Variants in ARHGAP22 observed in about 807,000 individuals in gnomAD.
ARHGAP22 encodes the protein rho GTPase-activating protein 22.
Under a neutral mutation model 59.1 loss-of-function variants are expected in ARHGAP22, and 48 were observed. That is an observed-to-expected ratio of 0.81 (90% confidence interval 0.64 to 1.03). ARHGAP22 has a LOEUF of 1.03. Ranked by LOEUF, ARHGAP22 falls within the 50% of genes least tolerant of loss-of-function variation. ARHGAP22 has a pLI of 0.00. For missense variants in ARHGAP22, 1,015 were observed against 958.7 expected (o/e 1.06, Z -0.78); for synonymous variants, 445 against 416.4 (o/e 1.07, Z -0.84).
At chr10:48,512,545 A>G (rs996857242) in intron 3 of ARHGAP22, among the ~76,000 whole-genome samples, 12 of 152,252 alleles carry the variant, frequency 7.9e-5, no homozygotes, top group African/African-American at 1.4e-4. Context: ...TTTTAACCTA[A>G]GCCTCAAGCC....
chr10:48,543,663 G>A (rs567433699), intron 3 of ARHGAP22, among the ~76,000 whole-genome samples: 35 of 152,320 alleles, frequency 2.3e-4, no homozygotes, highest in Non-Finnish European at 4.7e-4. Context: ...TGGAGCCAGG[G>A]AAGGGCCAGC....
At chr10:48,641,179 C>CA (rs1389387708) in intron 1 of ARHGAP22, among the ~76,000 whole-genome samples, 2 of 151,826 alleles carry the variant, frequency 1.3e-5, no homozygotes, top group African/African-American at 4.8e-5. Context: ...AAAAGAAAAA[C>CA]AGGAACAAAA....
chr10:48,457,579 C>T (rs1218773936), intron 5 of ARHGAP22, among the ~76,000 whole-genome samples: 8 of 152,148 alleles, frequency 5.3e-5, no homozygotes, highest in South Asian at 2.1e-4. Context: ...CCCTAGGCTC[C>T]GGCCCACAGG....
At position 48,604,995 on chromosome 10, in the gene ARHGAP22, G is replaced by A; in HGVS notation, c.-199C>T. 1 of 1,452,720 alleles carries A rather than the reference G, an allele frequency of 6.9e-7. No individual in the cohort carries two copies. Among genetic ancestry groups the A allele is most frequent in the Non-Finnish European group, 9.0e-7 (1 of 1,107,378 alleles). The allele number at this position is 1,452,720 out of a possible 1,614,324, so 90.0% of individuals were successfully genotyped here. On this transcript the variant is annotated 5_prime_UTR_variant, in exon 1 of 10. Transcript: ENST00000249601. Reference sequence around the variant, plus strand: ...CGCCTTGGACTACATAAACCTCGATGCATTATTTATCCATCCCAGAATTAA... The same window carrying A: ...CGCCTTGGACTACATAAACCTCGATACATTATTTATCCATCCCAGAATTAA...
chr10:48,555,940 T>C (rs2057279506), intron 2 of ARHGAP22, among the ~76,000 whole-genome samples: 1 of 152,150 alleles, frequency 6.6e-6, no homozygotes, highest in Admixed American at 6.5e-5. Context: ...TGAGGCAACA[T>C]GGGGGAAAGG....
At chr10:48,548,110 G>A (rs2056602915) in intron 3 of ARHGAP22, among the ~76,000 whole-genome samples, 1 of 152,184 alleles carries the variant, frequency 6.6e-6, no homozygotes, top group South Asian at 2.1e-4. Context: ...CTTTCGGCAA[G>A]TGAGCCATGC....
chr10:48,450,652 C>T lies in ARHGAP22; in HGVS notation c.1477G>A (p.Asp493Asn). The T allele has an allele frequency of 3.9e-6, 6 of 1,550,214 alleles. No individual in the cohort carries two copies. Among genetic ancestry groups the T allele is most frequent in the South Asian group, 2.4e-5 (2 of 84,062 alleles). Residue 493 changes from aspartate to asparagine, a missense_variant, in exon 9 of 10, where the codon GAC becomes AAC. By Grantham distance (23) the Asp-to-Asn change is conservative (BLOSUM62 1). Transcript: ENST00000249601. ...SGSVQRLSTY[D>N]NVPAPGLVPG... ...ACCAGGCCCGGCGCGGGCACATTGT[C>T]GTAGGTGGAGAGTCTCTGCACGGAG...
downstream of ARHGAP22, among the ~76,000 whole-genome samples, chr10:48,443,377 C>T (rs1412327499): frequency 1.3e-5 from 2 of 152,208 alleles, no homozygotes; most frequent in African/African-American, 4.8e-5. Flanking sequence ...TATCTGGCCC[C>T]TGCTAGGCTT....
At chr10:48,570,536 T>C (rs749462327) in intron 2 of ARHGAP22, among the ~76,000 whole-genome samples, 11 of 152,324 alleles carry the variant, frequency 7.2e-5, no homozygotes, top group Admixed American at 2.6e-4. Flanking sequence ...CTGTCTTTTA[T>C]GCTCAGGTTT....
At chr10:48,481,215 C>T (rs554235362) in intron 3 of ARHGAP22, among the ~76,000 whole-genome samples, 1 of 152,334 alleles carries the variant, frequency 6.6e-6, no homozygotes, top group East Asian at 1.9e-4. Flanking sequence ...TGGTCACTCA[C>T]AGGACTGTGG....
At chr10:48,439,354 T>A in the ARHGAP22 span, 2 of 151,364 alleles carry the variant, frequency 1.3e-5, no homozygotes, top group Non-Finnish European at 2.9e-5. Flanking sequence ...GTATGAAAAT[T>A]ATGAAATTAA....
At chr10:48,538,518 C>T (rs770943926) in intron 3 of ARHGAP22, among the ~76,000 whole-genome samples, 1 of 152,220 alleles carries the variant, frequency 6.6e-6, no homozygotes, top group Non-Finnish European at 1.5e-5. Flanking sequence ...AACGGACTAG[C>T]AGAAGACTCT....
At position 48,512,850 on chromosome 10, in the gene ARHGAP22, T is replaced by G. The variant is rs1398095574; in HGVS notation, c.323-33086A>C. On this transcript the variant is annotated intron_variant, in intron 3 of 9. Coordinates refer to ENST00000249601, the MANE Select transcript of ARHGAP22 (RefSeq NM_021226.4). ...CCTTAACCCACCTCCATGTCACCAC[T>G]TAGCATTTAGATAAAGATTAGGTAA... 4.6e-5 allele frequency among the ~76,000 whole-genome samples: 7 copies of G among 152,296 alleles called. No individual in the cohort carries two copies. The East Asian group carries it at 1.2e-3, about 25-fold the overall frequency.
intron 3 of ARHGAP22, among the ~76,000 whole-genome samples, chr10:48,484,329 C>T (rs747280171): frequency 6.6e-6 from 1 of 152,250 alleles, no homozygotes; most frequent in Non-Finnish European, 1.5e-5. Context: ...ACCAATCTTG[C>T]ATTCCTGGGA....
chr10:48,457,048 C>T (rs1276617181), intron 5 of ARHGAP22, among the ~76,000 whole-genome samples: 1 of 152,106 alleles, frequency 6.6e-6, no homozygotes, highest in Non-Finnish European at 1.5e-5. Flanking sequence ...GCAGAAAGGG[C>T]AGCAGCTGGT....
chr10:48,467,459 T>C (rs1183281832), intron 4 of ARHGAP22, among the ~76,000 whole-genome samples: 1 of 151,870 alleles, frequency 6.6e-6, no homozygotes, highest in Non-Finnish European at 1.5e-5. Flanking sequence ...AGAATTCTTT[T>C]TTTTTTTTTA....
intron 2 of ARHGAP22, among the ~76,000 whole-genome samples, chr10:48,556,051 C>A (rs2057289436): frequency 6.6e-6 from 1 of 152,138 alleles, no homozygotes; most frequent in Admixed American, 6.5e-5. Context: ...TACATGGTAC[C>A]CCACTACAGA....
At chr10:48,441,098 G>T (rs2045188911), downstream of ARHGAP22, among the ~76,000 whole-genome samples, 2 of 152,198 alleles carry the variant, frequency 1.3e-5, no homozygotes, top group South Asian at 4.1e-4. Flanking sequence ...ACCGCTCCAG[G>T]AGTGGGAGGA....
chr10:48,610,755 C>T (rs982730871), intron 1 of ARHGAP22, among the ~76,000 whole-genome samples: 40 of 152,096 alleles, frequency 2.6e-4, no homozygotes, highest in African/African-American at 8.7e-4. Context: ...AGCAGATGAC[C>T]CGCTGGAGGG....
Sources: allele counts gnomAD v4.1 joint callset (sites outside exome capture counted in the v4.1 genomes callset), GRCh38; gene constraint gnomAD v4.1.1; transcripts MANE v1.5; gene names NCBI Gene and HGNC (gene_info 2026-07-23, HGNC 2026-07-21).